Variants in TMCC1 observed in about 807,000 individuals in gnomAD.
TMCC1 encodes transmembrane and coiled-coil domains protein 1.
TMCC1 carries 15 observed loss-of-function variants against 52.4 expected under a neutral mutation model. The observed-to-expected ratio is 0.29, with a 90% CI of 0.19 to 0.44. TMCC1 has a LOEUF of 0.44. TMCC1 is among the 20% of genes least tolerant of loss of function. The pLI, the probability that TMCC1 is intolerant of heterozygous loss-of-function variation, is 1.00. For synonymous variants in TMCC1, 279 were observed against 301.9 expected, an observed-to-expected ratio of 0.92 and a Z score of 0.79; for missense variants, 503 against 806.0, an observed-to-expected ratio of 0.62 and a Z score of 4.55.
intron 2 of TMCC1, among the ~76,000 whole-genome samples, chr3:129,838,752 CAAAAAAAAAAAAA>C (rs35240365): frequency 1.5e-5 from 1 of 65,822 alleles, no homozygotes; most frequent in Admixed American, 2.5e-4. Flanking sequence ...GACTCTGTCT[CAAAAAAAAAAAAA>C]AAAAAAAAAA....
intron 4 of TMCC1, among the ~76,000 whole-genome samples, chr3:129,785,263 T>C (rs912843483): frequency 6.6e-6 from 1 of 152,098 alleles, no homozygotes; most frequent in Non-Finnish European, 1.5e-5. Context: ...AAAACAGTAA[T>C]AAACAAAGTG....
At chr3:129,738,088 C>G (rs534981115) in intron 4 of TMCC1, among the ~76,000 whole-genome samples, 2 of 151,810 alleles carry the variant, frequency 1.3e-5, no homozygotes, top group South Asian at 4.2e-4. Context: ...CTGGCCAACA[C>G]GGCAAAACCC....
intron 5 of TMCC1, among the ~76,000 whole-genome samples, chr3:129,664,019 GTTAA>G (rs2087252918): frequency 6.6e-6 from 1 of 152,180 alleles, no homozygotes; most frequent in South Asian, 2.1e-4. Flanking sequence ...AGGAATAAGG[GTTAA>G]TTAATTAATC....
intron 4 of TMCC1, among the ~76,000 whole-genome samples, chr3:129,773,680 C>T (rs944700568): frequency 6.6e-6 from 1 of 152,178 alleles, no homozygotes; most frequent in Non-Finnish European, 1.5e-5. Context: ...CGAGGTGGCT[C>T]ATGTCTGTAA....
At chr3:129,797,540 G>C (rs914813523) in intron 4 of TMCC1, among the ~76,000 whole-genome samples, 1 of 152,016 alleles carries the variant, frequency 6.6e-6, no homozygotes. Flanking sequence ...TCAGAAATTC[G>C]AGAGTAGCCT....
chr3:129,730,729 G>C (rs28851173), intron 4 of TMCC1, among the ~76,000 whole-genome samples: 3,306 of 152,254 alleles, frequency 0.022, 113 homozygotes, highest in African/African-American at 0.072. Flanking sequence ...GTGTTAAAAG[G>C]ATAATAGGGA....
intron 4 of TMCC1, among the ~76,000 whole-genome samples, chr3:129,757,582 A>T (rs2053128066): frequency 6.6e-6 from 1 of 152,168 alleles, no homozygotes; most frequent in Admixed American, 6.5e-5. Context: ...GCACTTTGGG[A>T]GGCCAAGGTG....
chr3:129,752,482 A>G (rs1343066419), intron 4 of TMCC1, among the ~76,000 whole-genome samples: 2 of 152,160 alleles, frequency 1.3e-5, no homozygotes, highest in Non-Finnish European at 2.9e-5. Context: ...GAAAATGACT[A>G]ATGAATGATC....
chr3:129,654,666 A>C (rs1177872913), intron 6 of TMCC1, among the ~76,000 whole-genome samples: 2 of 152,198 alleles, frequency 1.3e-5, no homozygotes, highest in Non-Finnish European at 2.9e-5. Context: ...AATGGCCCAA[A>C]TACTTGTCAG....
chr3:129,729,972 A>T (rs2107612873), intron 4 of TMCC1, among the ~76,000 whole-genome samples: 1 of 152,262 alleles, frequency 6.6e-6, no homozygotes, highest in South Asian at 2.1e-4. Flanking sequence ...CTCTGCTTTT[A>T]AAAAAATTTT....
At chr3:129,785,786 C>T (rs1047865407) in intron 4 of TMCC1, among the ~76,000 whole-genome samples, 2 of 151,956 alleles carry the variant, frequency 1.3e-5, no homozygotes, top group African/African-American at 4.8e-5. Context: ...AGAGAGTTTC[C>T]TAGATTTACC....
chr3:129,698,249 C>A (rs1404196286), intron 4 of TMCC1, among the ~76,000 whole-genome samples: 1 of 152,156 alleles, frequency 6.6e-6, no homozygotes, highest in Non-Finnish European at 1.5e-5. Context: ...GGAGCAAAGG[C>A]ACGTCTTACT....
rs578063261 is a variant in TMCC1 at position 129,813,250 on chromosome 3, T to C, written c.576+14553A>G. 8.5e-5 allele frequency among the ~76,000 whole-genome samples: 13 copies of C among 152,372 alleles called. No individual in the cohort carries two copies. The East Asian group carries it at 2.5e-3, about 29-fold the overall frequency. ...AGTCCAGCCATTATGGAAAGCAGTC[T>C]GGCGATTTCTCAAATAACTTAAAAC... On this transcript the variant is annotated intron_variant, in intron 4 of 6. Transcript: ENST00000393238.
intron 4 of TMCC1, among the ~76,000 whole-genome samples, chr3:129,700,093 T>C (rs899725650): frequency 1.3e-5 from 2 of 152,174 alleles, no homozygotes; most frequent in African/African-American, 2.4e-5. Flanking sequence ...ATCTAATTTA[T>C]GGTCGGGTAC....
intron 1 of TMCC1, among the ~76,000 whole-genome samples, chr3:129,890,374 A>G (rs1321084643): frequency 6.6e-6 from 1 of 152,250 alleles, no homozygotes; most frequent in African/African-American, 2.4e-5. Context: ...CAGGTGGCTA[A>G]GTTCTCTACA....
chr3:129,655,718 G>GTA (rs2086624711), intron 5 of TMCC1, among the ~76,000 whole-genome samples: 1 of 152,210 alleles, frequency 6.6e-6, no homozygotes, highest in Admixed American at 6.5e-5. Context: ...CAGAGTGCCT[G>GTA]CCCTCAGGAG....
At chr3:129,663,463 G>A (rs913278415) in intron 5 of TMCC1, among the ~76,000 whole-genome samples, 3 of 152,202 alleles carry the variant, frequency 2.0e-5, no homozygotes, top group Non-Finnish European at 2.9e-5. Context: ...AGTTGGGGTA[G>A]GGAGTATGAC....
chr3:129,683,980 A>G (rs543658359), intron 4 of TMCC1, among the ~76,000 whole-genome samples: 127 of 152,350 alleles, frequency 8.3e-4, no homozygotes, highest in African/African-American at 2.8e-3. Context: ...TGTACAACAG[A>G]ATAAAGCAGA....
At chr3:129,755,026 C>T (rs939951647) in intron 4 of TMCC1, among the ~76,000 whole-genome samples, 5 of 151,852 alleles carry the variant, frequency 3.3e-5, no homozygotes, top group South Asian at 2.1e-4. Context: ...TGCAGTGAGC[C>T]GAGATCGCAC....
Sources: gnomAD v4.1 joint callset for allele counts (sites outside exome capture counted in the v4.1 genomes callset) on GRCh38, gnomAD v4.1.1 for gene constraint, MANE v1.5 for transcripts, NCBI Gene and HGNC (gene_info 2026-07-23, HGNC 2026-07-21) for gene names.